AGBL1: variants seen among roughly 807,000 people sequenced by gnomAD.
AGBL1 encodes the protein cytosolic carboxypeptidase 4.
In AGBL1, 130 loss-of-function variants were observed where a neutral mutation model predicts 118.9. The ratio of observed to expected loss-of-function variants is 1.09; its 90% CI spans 0.95 to 1.26. AGBL1 has a LOEUF of 1.26. AGBL1 is among the 50% of genes most tolerant of loss of function. The probability of loss-of-function intolerance (pLI) is 0.00; values close to 1 mark genes in which losing one functional copy is unlikely to be tolerated. For missense variants in AGBL1, 1,584 were observed against 1,298.1 expected (o/e 1.22, Z -3.38); for synonymous variants, 555 against 478.9 (o/e 1.16, Z -2.08).
chr15:86,764,380 A>G lies in AGBL1; in HGVS notation c.3158+89944A>G, dbSNP rs144791999. The stretch of plus-strand genomic sequence containing the variant: ...CATGCTGTTGTCAGATGGGGTTATT[A>G]GGAAGGCAAGATAGGAATATGATAG... On this transcript the variant is annotated intron_variant, in intron 22 of 22. Transcript: ENST00000614907. Among the ~76,000 whole-genome samples the G allele has an allele frequency of 2.4e-4, 37 of 152,150 alleles. No homozygotes were observed. The East Asian group carries it at 6.8e-3, about 28-fold the overall frequency.
intron 18 of AGBL1, among the ~76,000 whole-genome samples, chr15:86,465,970 G>T (rs1038340211): frequency 4.6e-5 from 7 of 152,126 alleles, no homozygotes; most frequent in African/African-American, 1.4e-4. Flanking sequence ...AAACCTTGCT[G>T]GTTTTGTAGC....
chr15:86,413,624 G>A (rs927233881), intron 18 of AGBL1, among the ~76,000 whole-genome samples: 15 of 152,022 alleles, frequency 9.9e-5, no homozygotes, highest in African/African-American at 2.7e-4. Flanking sequence ...CTGATAATTA[G>A]TGGTGTTGGG....
At chr15:86,290,322 C>T (rs2079523389) in intron 16 of AGBL1, among the ~76,000 whole-genome samples, 1 of 146,694 alleles carries the variant, frequency 6.8e-6, no homozygotes, top group Non-Finnish European at 1.5e-5. Context: ...TGAAGTGTGT[C>T]TTCAAGTCCT....
chr15:86,276,767 A>C (rs1279080203), intron 15 of AGBL1, among the ~76,000 whole-genome samples: 2 of 152,242 alleles, frequency 1.3e-5, no homozygotes, highest in African/African-American at 4.8e-5. Flanking sequence ...ACAATTTAAC[A>C]TAGGAAGGAT....
chr15:86,951,238 T>C (rs2080877817), intron 23 of AGBL1, among the ~76,000 whole-genome samples: 1 of 152,216 alleles, frequency 6.6e-6, no homozygotes, highest in South Asian at 2.1e-4. Context: ...AGTGGAACTA[T>C]GAACTGGCAC....
At chr15:86,088,189 T>TG (rs1895789710) in intron 1 of AGBL1, 1 of 152,272 alleles carries the variant, frequency 6.6e-6, no homozygotes, top group Admixed American at 6.5e-5. Flanking sequence ...TTGTTACCCC[T>TG]GGCCTGAAGG....
At chr15:86,692,355 A>T (rs1178229763) in intron 22 of AGBL1, among the ~76,000 whole-genome samples, 1 of 152,020 alleles carries the variant, frequency 6.6e-6, no homozygotes, top group Non-Finnish European at 1.5e-5. Context: ...CAATAAAGAA[A>T]AGGTGAAGCA....
At chr15:86,124,867 G>A (rs946239201) in intron 1 of AGBL1, among the ~76,000 whole-genome samples, 16 of 152,178 alleles carry the variant, frequency 1.1e-4, no homozygotes, top group Admixed American at 5.2e-4. Flanking sequence ...CTATATAATG[G>A]CAGGGCACAA....
chr15:86,973,957 T>G (rs1023187599), intron 23 of AGBL1, among the ~76,000 whole-genome samples: 1 of 142,628 alleles, frequency 7.0e-6, no homozygotes, highest in Non-Finnish European at 1.5e-5. Context: ...ATATTAAATA[T>G]AAACATATTT....
At chr15:86,298,879 G>T (rs754073114) in intron 17 of AGBL1, among the ~76,000 whole-genome samples, 2 of 152,130 alleles carry the variant, frequency 1.3e-5, no homozygotes, top group Non-Finnish European at 2.9e-5. Context: ...CTGATGATCT[G>T]GTCTAAAGTC....
chr15:86,089,988 G>A (rs1246392916), intron 1 of AGBL1, among the ~76,000 whole-genome samples: 1 of 152,216 alleles, frequency 6.6e-6, no homozygotes, highest in Non-Finnish European at 1.5e-5. Context: ...TTCAAGAAGT[G>A]TTTTTGTCAG....
chr15:86,531,945 T>C (rs2083354488), intron 19 of AGBL1, among the ~76,000 whole-genome samples: 1 of 151,498 alleles, frequency 6.6e-6, no homozygotes, highest in Non-Finnish European at 1.5e-5. Context: ...AAATTATGTA[T>C]TGATGGGACG....
intron 18 of AGBL1, among the ~76,000 whole-genome samples, chr15:86,473,016 T>C (rs2082500599): frequency 6.6e-6 from 1 of 152,232 alleles, no homozygotes; most frequent in African/African-American, 2.4e-5. Flanking sequence ...ATCCATTTTA[T>C]AAATATTCTT....
intron 5 of AGBL1, among the ~76,000 whole-genome samples, chr15:86,180,222 C>A (rs775356003): frequency 5.9e-5 from 9 of 151,408 alleles, no homozygotes; most frequent in Non-Finnish European, 1.3e-4. Flanking sequence ...ATGGAAAGAC[C>A]AAGGACCTAG....
chr15:86,528,420 C>A (rs1444376123), intron 19 of AGBL1, among the ~76,000 whole-genome samples: 5 of 152,114 alleles, frequency 3.3e-5, no homozygotes, highest in African/African-American at 1.2e-4. Context: ...AACGGCGCAC[C>A]ACGAGACTAT....
intron 23 of AGBL1, among the ~76,000 whole-genome samples, chr15:86,975,681 T>G (rs2082538): frequency 2.0e-5 from 3 of 151,958 alleles, no homozygotes; most frequent in African/African-American, 7.3e-5. Flanking sequence ...GCAAATGATG[T>G]TCCTTCTGTC....
rs116559776 is a variant in AGBL1, at chr15:86,746,218, T to C, written c.3158+71782T>C. On this transcript the variant is annotated intron_variant, in intron 22 of 22. Transcript: ENST00000614907. ...TGAAGTAGACTCCTTCCGCACATCC[T>C]TCTTCACATGACTTATGCATGACCT... Among the ~76,000 whole-genome samples, 922 of 152,276 alleles carry C rather than the reference T, an allele frequency of 6.1e-3. 7 individuals are homozygous for C. Among genetic ancestry groups the C allele is most frequent in the African/African-American group, 0.02 (820 of 41,578 alleles).
At chr15:86,726,023 A>G (rs541068549) in intron 22 of AGBL1, among the ~76,000 whole-genome samples, 42 of 152,358 alleles carry the variant, frequency 2.8e-4, no homozygotes, top group African/African-American at 8.7e-4. Flanking sequence ...ACCTTCACCA[A>G]TGAAGCCAAT....
chr15:86,617,760 GCACACA>G (rs5814253), intron 21 of AGBL1, among the ~76,000 whole-genome samples: 30,768 of 146,792 alleles, frequency 0.21, 3,151 homozygotes, highest in Middle Eastern at 0.29. Context: ...AACTTTATGC[GCACACA>G]CACACACACA....
Sources: gnomAD v4.1 joint callset for allele counts (sites outside exome capture counted in the v4.1 genomes callset) on GRCh38, gnomAD v4.1.1 for gene constraint, MANE v1.5 for transcripts, NCBI Gene and HGNC (gene_info 2026-07-23, HGNC 2026-07-21) for gene names.